Variants in PACRGL observed in about 807,000 individuals in gnomAD.
PACRGL encodes the protein PACRG-like protein.
A neutral mutation model predicts 34.5 loss-of-function variants in PACRGL; 38 were observed. The ratio of observed to expected loss-of-function variants is 1.10; its 90% CI spans 0.85 to 1.44. The LOEUF (loss-of-function observed/expected upper bound fraction) is 1.44. Ranked by LOEUF, PACRGL falls within the 40% of genes most tolerant of loss-of-function variation. PACRGL has a pLI of 0.00. For synonymous variants in PACRGL, 128 were observed against 100.1 expected (o/e 1.28, Z -1.66); for missense variants, 305 against 281.4 (o/e 1.08, Z -0.60).
At chr4:20,766,585 C>G in the PACRGL span, among the ~76,000 whole-genome samples, 2 of 151,558 alleles carry the variant, frequency 1.3e-5, no homozygotes, top group Admixed American at 1.3e-4. Flanking sequence ...AACAAACAAA[C>G]AAACATAAAG....
At position 20,728,925 on chromosome 4, in the gene PACRGL, A is replaced by AAAAT. The variant is rs1457887909; in HGVS notation, c.*1587_*1590dup. On this transcript the variant is annotated 3_prime_UTR_variant, in exon 9 of 9. Coordinates refer to ENST00000503585, the MANE Select transcript of PACRGL (RefSeq NM_001258345.3). The stretch of plus-strand genomic sequence containing the variant: ...TTTACAGTTTTGGCTAAGATGATTA[A>AAAAT]AAATAATCTGAATTATGATGAGCTA... 1 of 152,314 alleles carries AAAAT rather than the reference A, an allele frequency of 6.6e-6. No individual in the cohort carries two copies. The highest frequency in any genetic ancestry group is 1.5e-5 in the Non-Finnish European group (1 of 68,038). 9.4% of individuals were successfully genotyped at this position (152,314 alleles called of 1,614,324 possible).
intron 8 of PACRGL, among the ~76,000 whole-genome samples, chr4:20,742,335 C>T (rs192410961): frequency 5.9e-5 from 9 of 152,178 alleles, no homozygotes; most frequent in African/African-American, 1.2e-4. Flanking sequence ...ATTAGCAAAC[C>T]GAATCCAGCA....
intron 7 of PACRGL, chr4:20,716,109 C>T (rs976563781): frequency 5.2e-5 from 80 of 1,526,250 alleles, no homozygotes; most frequent in Non-Finnish European, 6.8e-5. Context: ...TTTACTAGGA[C>T]CCTGTGCAGC....
chr4:20,726,067 C>T (rs1745486527), intron 8 of PACRGL, among the ~76,000 whole-genome samples: 1 of 152,016 alleles, frequency 6.6e-6, no homozygotes, highest in Non-Finnish European at 1.5e-5. Flanking sequence ...CAGTGGGAAA[C>T]GCTCCCTAGG....
intron 7 of PACRGL, among the ~76,000 whole-genome samples, chr4:20,720,426 G>A (rs567198976): frequency 3.9e-5 from 6 of 152,240 alleles, no homozygotes; most frequent in East Asian, 1.9e-4. Flanking sequence ...TCCTAGCCTC[G>A]ATGGTCTTTA....
At chr4:20,712,687 T>G (rs1368018434) in intron 5 of PACRGL, 101 bp from the exon 6 acceptor site, 9 of 1,053,816 alleles carry the variant, frequency 8.5e-6, no homozygotes, top group Non-Finnish European at 1.1e-5. Flanking sequence ...AAAACAATAA[T>G]GAAATTTTTG....
At chr4:20,720,600 G>A (rs191690468) in intron 7 of PACRGL, among the ~76,000 whole-genome samples, 29 of 152,294 alleles carry the variant, frequency 1.9e-4, no homozygotes, top group Admixed American at 1.2e-3. Flanking sequence ...AGTTTGGCTG[G>A]ATATGAAATT....
At chr4:20,719,035 A>G (rs888323446) in intron 7 of PACRGL, 31 of 152,074 alleles carry the variant, frequency 2.0e-4, no homozygotes, top group African/African-American at 7.0e-4. Context: ...TCAGAGATTC[A>G]CCTTCTTCCT....
chr4:20,737,504 C>G (rs73110233), downstream of PACRGL, among the ~76,000 whole-genome samples: 1 of 151,930 alleles, frequency 6.6e-6, no homozygotes, highest in African/African-American at 2.4e-5. Context: ...GTAGATGGGC[C>G]GATCTGAGAA....
chr4:20,708,887 G>A (rs1409251628), intron 4 of PACRGL, among the ~76,000 whole-genome samples: 1 of 151,910 alleles, frequency 6.6e-6, no homozygotes, highest in Non-Finnish European at 1.5e-5. Flanking sequence ...AGCACTTTGG[G>A]AGGCCAAGGC....
chr4:20,712,774 T>A lies in PACRGL; in HGVS notation c.367-14T>A. 1 of 1,463,630 alleles carries A rather than the reference T, an allele frequency of 6.8e-7. No individual in the cohort carries two copies. The highest frequency in any genetic ancestry group is 9.1e-7 in the Non-Finnish European group (1 of 1,094,420). The allele number at this position is 1,463,630 out of a possible 1,614,324, so 90.7% of individuals were successfully genotyped here. ...AATGGGTAGTAAATCATGTTTCCTC[T>A]TGGTCTTTGTCAGGGTCTGAGAGAG... On this transcript the variant is annotated splice_polypyrimidine_tract_variant and intron_variant, in intron 5 of 8. Transcript: ENST00000503585.
At chr4:20,715,131 G>T (rs1329080029) in intron 7 of PACRGL, among the ~76,000 whole-genome samples, 1 of 152,182 alleles carries the variant, frequency 6.6e-6, no homozygotes, top group Non-Finnish European at 1.5e-5. Context: ...TAGGGACATG[G>T]ATGAAACTGG....
intron 7 of PACRGL, chr4:20,716,105 A>G (rs1202059659): frequency 1.3e-6 from 2 of 1,525,572 alleles, no homozygotes; most frequent in Admixed American, 4.0e-5. Flanking sequence ...AATATTTACT[A>G]GGACCCTGTG....
intron 5 of PACRGL, 32 bp downstream of exon 5, chr4:20,709,805 AAAAT>A: frequency 6.7e-7 from 1 of 1,499,206 alleles, no homozygotes; most frequent in Non-Finnish European, 9.2e-7. Context: ...TATTTATCAG[AAAAT>A]AAACATTAAA....
chr4:20,718,509 A>G (rs1292336141), intron 7 of PACRGL, among the ~76,000 whole-genome samples: 2 of 152,196 alleles, frequency 1.3e-5, no homozygotes, highest in African/African-American at 2.4e-5. Flanking sequence ...CGTCCCATCA[A>G]TACCTAATCT....
At chr4:20,721,698 A>AG (rs1182494880) in intron 7 of PACRGL, among the ~76,000 whole-genome samples, 1 of 152,154 alleles carries the variant, frequency 6.6e-6, no homozygotes, top group African/African-American at 2.4e-5. Flanking sequence ...TTCGTCTCAG[A>AG]GGGGTACTCG....
chr4:20,735,087 A>G (rs766209713), downstream of PACRGL, among the ~76,000 whole-genome samples: 11 of 152,250 alleles, frequency 7.2e-5, no homozygotes, highest in Non-Finnish European at 1.3e-4. Context: ...AAAAAAATAC[A>G]AGTGCACACA....
At chr4:20,696,809 G>A (rs957741963), upstream of PACRGL, among the ~76,000 whole-genome samples, 10 of 152,172 alleles carry the variant, frequency 6.6e-5, no homozygotes, top group East Asian at 1.5e-3. Context: ...GGCTAGTATG[G>A]ATTTAAATGT....
At chr4:20,737,912 G>C (rs1430393320) in intron 8 of PACRGL, among the ~76,000 whole-genome samples, 1 of 152,148 alleles carries the variant, frequency 6.6e-6, no homozygotes. Context: ...TGGGAAGGTT[G>C]TTTGAGTCCA....
Sources: gnomAD v4.1 joint callset for allele counts (sites outside exome capture counted in the v4.1 genomes callset) on GRCh38, gnomAD v4.1.1 for gene constraint, MANE v1.5 for transcripts, NCBI Gene and HGNC (gene_info 2026-07-23, HGNC 2026-07-21) for gene names.